The following LINGO2 variants were observed in gnomAD, a reference collection of about 807,000 sequenced individuals.
LINGO2 encodes leucine-rich repeat and immunoglobulin-like domain-containing nogo receptor-interacting protein 2.
LINGO2 carries 14 observed loss-of-function variants against 30.6 expected under a neutral mutation model. That is an observed-to-expected ratio of 0.46 (90% confidence interval 0.30 to 0.72). The LOEUF (loss-of-function observed/expected upper bound fraction) is 0.72. Among genes scored for constraint, LINGO2 ranks in the 30% least tolerant of loss-of-function variants. LINGO2 has a pLI of 0.07. For missense variants in LINGO2, 729 were observed against 751.7 expected, an observed-to-expected ratio of 0.97 and a Z score of 0.35; for synonymous variants, 317 against 288.5, an observed-to-expected ratio of 1.10 and a Z score of -1.00.
At chr9:28,540,556 T>A (rs1821645511) in intron 1 of LINGO2, among the ~76,000 whole-genome samples, 1 of 152,112 alleles carries the variant, frequency 6.6e-6, no homozygotes, top group South Asian at 2.1e-4. Flanking sequence ...ACCACCACAC[T>A]TGGCCCATTT....
chr9:28,322,137 T>A (rs942128920), intron 3 of LINGO2, among the ~76,000 whole-genome samples: 2 of 152,174 alleles, frequency 1.3e-5, no homozygotes, highest in African/African-American at 2.4e-5. Context: ...TTTTTCATCT[T>A]TAGACACATC....
chr9:28,696,260 A>G, the LINGO2 span, among the ~76,000 whole-genome samples: 2 of 151,956 alleles, frequency 1.3e-5, no homozygotes, highest in African/African-American at 2.4e-5. Flanking sequence ...ATTTCCCATG[A>G]TTTGGGTTCA....
chr9:28,055,735 A>G (rs1004884089), intron 4 of LINGO2, among the ~76,000 whole-genome samples: 5 of 152,190 alleles, frequency 3.3e-5, no homozygotes, highest in African/African-American at 1.2e-4. Context: ...ATATGTACTC[A>G]AAGACAAGTC....
the LINGO2 span, among the ~76,000 whole-genome samples, chr9:28,897,836 TAATA>T: frequency 6.6e-6 from 1 of 152,126 alleles, no homozygotes; most frequent in Non-Finnish European, 1.5e-5. Context: ...TCCTGATTCT[TAATA>T]AATACTTTTT....
At chr9:28,512,591 GTGTA>G (rs58964184) in intron 1 of LINGO2, among the ~76,000 whole-genome samples, 34 of 15,830 alleles carry the variant, frequency 2.1e-3, no homozygotes, top group African/African-American at 4.8e-3. Context: ...ATATATATGT[GTGTA>G]TATATATATA....
the LINGO2 span, among the ~76,000 whole-genome samples, chr9:29,157,092 A>G: frequency 6.6e-6 from 1 of 152,194 alleles, no homozygotes; most frequent in East Asian, 1.9e-4. Context: ...CCTACACAAA[A>G]GTTAAAAAAA....
At chr9:28,899,145 G>A in the LINGO2 span, among the ~76,000 whole-genome samples, 1 of 152,176 alleles carries the variant, frequency 6.6e-6, no homozygotes, top group Non-Finnish European at 1.5e-5. Context: ...AAGATGCATT[G>A]AGGAAATAAG....
the LINGO2 span, among the ~76,000 whole-genome samples, chr9:28,691,206 G>C: frequency 6.6e-6 from 1 of 152,220 alleles, no homozygotes. Context: ...TTGGTTTACA[G>C]TCTTAATGGA....
chr9:28,791,468 T>C, the LINGO2 span, among the ~76,000 whole-genome samples: 66 of 152,200 alleles, frequency 4.3e-4, no homozygotes, highest in African/African-American at 1.6e-3. Flanking sequence ...AAAGGAGATA[T>C]TGTAAATTAA....
At chr9:27,989,290 T>C (rs893472573) in intron 5 of LINGO2, among the ~76,000 whole-genome samples, 2 of 151,994 alleles carry the variant, frequency 1.3e-5, no homozygotes, top group Admixed American at 1.3e-4. Flanking sequence ...GGAATTTTAC[T>C]GTATGCTGAT....
At chr9:28,803,323 TTG>T in the LINGO2 span, among the ~76,000 whole-genome samples, 4 of 150,954 alleles carry the variant, frequency 2.6e-5, no homozygotes, top group African/African-American at 4.9e-5. Flanking sequence ...GTGAGTGTGT[TTG>T]TGTGTGTGTG....
the LINGO2 span, among the ~76,000 whole-genome samples, chr9:28,841,230 G>C: frequency 6.6e-6 from 1 of 151,734 alleles, no homozygotes; most frequent in Non-Finnish European, 1.5e-5. Context: ...ATATGTACAT[G>C]TGGGATGGGA....
intron 4 of LINGO2, among the ~76,000 whole-genome samples, chr9:28,185,538 C>T (rs6476041): frequency 6.6e-6 from 1 of 152,076 alleles, no homozygotes; most frequent in Non-Finnish European, 1.5e-5. Flanking sequence ...CACGGTAATT[C>T]TATTTCATCA....
intron 4 of LINGO2, among the ~76,000 whole-genome samples, chr9:28,198,632 T>C (rs773682259): frequency 5.9e-5 from 9 of 152,146 alleles, no homozygotes; most frequent in Non-Finnish European, 1.2e-4. Context: ...GTCACAACCA[T>C]CACTTAACAA....
chr9:28,306,722 C>T (rs1431384436), intron 3 of LINGO2, among the ~76,000 whole-genome samples: 31 of 151,798 alleles, frequency 2.0e-4, no homozygotes, highest in Non-Finnish European at 2.8e-4. Flanking sequence ...ATCAAATAGA[C>T]GCAATAAAAA....
At chr9:28,850,747 C>G in the LINGO2 span, among the ~76,000 whole-genome samples, 514 of 152,094 alleles carry the variant, frequency 3.4e-3, 12 homozygotes, top group Admixed American at 0.026. Flanking sequence ...CATTGTAGAG[C>G]TGTAACCTAC....
At chr9:28,564,249 G>T (rs1179938000) in intron 1 of LINGO2, among the ~76,000 whole-genome samples, 1 of 152,054 alleles carries the variant, frequency 6.6e-6, no homozygotes, top group Non-Finnish European at 1.5e-5. Flanking sequence ...GAAGCATCCT[G>T]CACTTTCAAA....
At chr9:29,076,734 C>T in the LINGO2 span, among the ~76,000 whole-genome samples, 1 of 151,614 alleles carries the variant, frequency 6.6e-6, no homozygotes, top group African/African-American at 2.4e-5. Context: ...CAACCTAACA[C>T]AACATTTTGG....
At chr9:27,949,122 T>C (rs1301858624) in exon 6 of LINGO2, 2 of 1,614,078 alleles carry the variant, frequency 1.2e-6, no homozygotes, top group Non-Finnish European at 1.7e-6. Flanking sequence ...GTCGGTCATG[T>C]ACATAGGGGT....
Sources: allele counts gnomAD v4.1 joint callset (sites outside exome capture counted in the v4.1 genomes callset), GRCh38; gene constraint gnomAD v4.1.1; transcripts MANE v1.5; gene names NCBI Gene and HGNC (gene_info 2026-07-23, HGNC 2026-07-21).